The following C1orf21 variants were observed in gnomAD, a reference collection of about 807,000 sequenced individuals.
C1orf21 encodes the protein chromosome 1 open reading frame 21.
A neutral mutation model predicts 18.7 loss-of-function variants in C1orf21; 3 were observed. The ratio of observed to expected loss-of-function variants is 0.16; its 90% CI spans 0.07 to 0.42. The LOEUF (loss-of-function observed/expected upper bound fraction) is 0.42, where lower values mean the gene tolerates loss of function less well. Ranked by LOEUF, C1orf21 falls within the 10% of genes least tolerant of loss-of-function variation. The pLI, the probability that C1orf21 is intolerant of heterozygous loss-of-function variation, is 0.99. For missense variants in C1orf21, 104 were observed against 143.6 expected (o/e 0.72, Z 1.41); for synonymous variants, 41 against 46.4 (o/e 0.88, Z 0.47).
At chr1:184,566,608 C>A (rs924030318) in intron 3 of C1orf21, 2 of 376,694 alleles carry the variant, frequency 5.3e-6, no homozygotes, top group Non-Finnish European at 1.0e-5. Flanking sequence ...CCCTGGTGTG[C>A]CATAAAACCA....
At chr1:184,547,715 A>AT (rs1658746428) in intron 3 of C1orf21, among the ~76,000 whole-genome samples, 2 of 152,198 alleles carry the variant, frequency 1.3e-5, no homozygotes, top group South Asian at 4.1e-4. Flanking sequence ...TCTTAAGTTA[A>AT]TCTAAAAATT....
In C1orf21 at chr1:184,477,459, C is replaced by A; in HGVS notation, c.-51C>A. The A allele has an allele frequency of 1.3e-6, 2 of 1,491,424 alleles. No individual in the cohort carries two copies. Among genetic ancestry groups the A allele is most frequent in the South Asian group, 2.3e-5 (2 of 85,800 alleles). 92.4% of individuals were successfully genotyped at this position (1,491,424 alleles called of 1,614,324 possible). ...TTAAAGAAAAAAAATGTCCCTGTGT[C>A]TGTAGAGATGATTTGCAGTTCAGCC... On this transcript the variant is annotated 5_prime_UTR_variant, in exon 2 of 6. It adds an upstream start codon to the 5' untranslated region. Coordinates refer to ENST00000235307, the MANE Select transcript of C1orf21 (RefSeq NM_030806.4).
chr1:184,585,304 C>T (rs1006484795), intron 3 of C1orf21, among the ~76,000 whole-genome samples: 3 of 152,140 alleles, frequency 2.0e-5, no homozygotes, highest in African/African-American at 7.2e-5. Context: ...GCAACAGCAA[C>T]AGTAAGGTAA....
At chr1:184,496,269 C>G (rs1657892383) in intron 2 of C1orf21, among the ~76,000 whole-genome samples, 1 of 152,120 alleles carries the variant, frequency 6.6e-6, no homozygotes, top group Non-Finnish European at 1.5e-5. Context: ...GGCCTAAAAC[C>G]CAGACCTTAC....
At chr1:184,533,195 C>T (rs1658495907) in intron 3 of C1orf21, among the ~76,000 whole-genome samples, 1 of 152,060 alleles carries the variant, frequency 6.6e-6, no homozygotes, top group Non-Finnish European at 1.5e-5. Context: ...CCACTAGAGC[C>T]TGCACTCCTG....
chr1:184,596,011 G>A (rs189151910), intron 4 of C1orf21, among the ~76,000 whole-genome samples: 2 of 152,282 alleles, frequency 1.3e-5, no homozygotes, highest in Admixed American at 6.5e-5. Context: ...TAAGCATCCC[G>A]AGGTCCTTAG....
chr1:184,523,203 A>G (rs1438249614), intron 3 of C1orf21, among the ~76,000 whole-genome samples: 2 of 152,202 alleles, frequency 1.3e-5, no homozygotes, highest in Non-Finnish European at 2.9e-5. Context: ...AGAGTACAGT[A>G]TGGAAATTAG....
chr1:184,537,855 G>A (rs1331350530), intron 3 of C1orf21, among the ~76,000 whole-genome samples: 1 of 152,004 alleles, frequency 6.6e-6, no homozygotes, highest in African/African-American at 2.4e-5. Context: ...CTTCATGTTG[G>A]TCAGGCTGGT....
Position 184,621,601 on chromosome 1 carries a change from G to A in C1orf21, c.*2045G>A, listed in dbSNP as rs909441043. The A allele has an allele frequency of 6.6e-6, 1 of 152,394 alleles. No homozygotes were observed. The highest frequency in any genetic ancestry group is 2.4e-5 in the African/African-American group (1 of 41,414). 9.4% of individuals were successfully genotyped at this position (152,394 alleles called of 1,614,324 possible). On this transcript the variant is annotated 3_prime_UTR_variant, in exon 6 of 6. Coordinates refer to ENST00000235307, the MANE Select transcript of C1orf21 (RefSeq NM_030806.4). ...AGCAAGAATTAAGCACATGCTAAACGTCTTCCATTTGACTTCTCTACTCGG... is the reference window on the plus strand; with the variant it reads ...AGCAAGAATTAAGCACATGCTAAACATCTTCCATTTGACTTCTCTACTCGG...
At chr1:184,538,050 A>G (rs1278489235) in intron 3 of C1orf21, among the ~76,000 whole-genome samples, 2 of 152,168 alleles carry the variant, frequency 1.3e-5, no homozygotes, top group Non-Finnish European at 2.9e-5. Context: ...ACTGTTTTCC[A>G]CAGTCGCTGT....
At chr1:184,512,665 G>T (rs920706065) in intron 3 of C1orf21, among the ~76,000 whole-genome samples, 1 of 152,028 alleles carries the variant, frequency 6.6e-6, no homozygotes, top group Non-Finnish European at 1.5e-5. Flanking sequence ...ATCAGTATGG[G>T]GCCTAGCTTC....
At chr1:184,388,493 C>G (rs1655921491) in intron 1 of C1orf21, among the ~76,000 whole-genome samples, 1 of 152,156 alleles carries the variant, frequency 6.6e-6, no homozygotes, top group Non-Finnish European at 1.5e-5. Context: ...AGCCATAGTT[C>G]AGTTACTGAA....
intron 2 of C1orf21, among the ~76,000 whole-genome samples, chr1:184,487,802 T>G (rs1481194653): frequency 6.6e-6 from 1 of 152,232 alleles, no homozygotes; most frequent in Non-Finnish European, 1.5e-5. Context: ...TCTTTTTGCC[T>G]GGGTTTTCCC....
chr1:184,602,557 CTT>C (rs1249176304), intron 5 of C1orf21, among the ~76,000 whole-genome samples: 2 of 152,136 alleles, frequency 1.3e-5, no homozygotes, highest in Non-Finnish European at 2.9e-5. Context: ...ATTTGCCTAA[CTT>C]TGCAGCTTTA....
intron 3 of C1orf21, among the ~76,000 whole-genome samples, chr1:184,574,728 T>C (rs920159937): frequency 3.9e-5 from 6 of 152,218 alleles, no homozygotes; most frequent in African/African-American, 1.4e-4. Flanking sequence ...AGAATGTGCT[T>C]ATTATATCTT....
chr1:184,468,301 C>A (rs941694213), intron 1 of C1orf21, among the ~76,000 whole-genome samples: 12 of 152,030 alleles, frequency 7.9e-5, no homozygotes, highest in Admixed American at 3.3e-4. Context: ...CTCTTCAGAC[C>A]TGAAATAATG....
chr1:184,516,289 A>G (rs1658226547), intron 3 of C1orf21, among the ~76,000 whole-genome samples: 1 of 121,130 alleles, frequency 8.3e-6, no homozygotes, highest in African/African-American at 3.7e-5. Flanking sequence ...CAATTATATG[A>G]CAAAATTAAA....
chr1:184,391,985 GGCGTGAGCCACCGT>G (rs1655976953), intron 1 of C1orf21, among the ~76,000 whole-genome samples: 2 of 152,198 alleles, frequency 1.3e-5, no homozygotes, highest in Admixed American at 6.5e-5. Flanking sequence ...TGGGATTACA[GGCGTGAGCCACCGT>G]GCCCGGCCCC....
intron 2 of C1orf21, among the ~76,000 whole-genome samples, chr1:184,479,516 C>T (rs1657621365): frequency 6.6e-6 from 1 of 152,024 alleles, no homozygotes; most frequent in Admixed American, 6.6e-5. Context: ...TCCGAGGTTA[C>T]CCAGCTACGA....
Sources: gnomAD v4.1 joint callset for allele counts (sites outside exome capture counted in the v4.1 genomes callset) on GRCh38, gnomAD v4.1.1 for gene constraint, MANE v1.5 for transcripts, NCBI Gene and HGNC (gene_info 2026-07-23, HGNC 2026-07-21) for gene names.